The following HOXA3 variants were observed in gnomAD, a reference collection of about 807,000 sequenced individuals.
HOXA3 encodes homeobox A3, also known as homeobox protein Hox-A3.
A neutral mutation model predicts 30.3 loss-of-function variants in HOXA3; 8 were observed. The ratio of observed to expected loss-of-function variants is 0.26; its 90% CI spans 0.15 to 0.48. The LOEUF is 0.48. HOXA3 is among the 20% of genes least tolerant of loss of function. The pLI, the probability that HOXA3 is intolerant of heterozygous loss-of-function variation, is 0.99. For missense variants in HOXA3, 653 were observed against 614.4 expected (o/e 1.06, Z -0.66); for synonymous variants, 323 against 273.1 (o/e 1.18, Z -1.80).
intron 1 of HOXA3, 95 bp downstream of exon 1, chr7:27,152,193 C>T: frequency 1.6e-6 from 1 of 628,580 alleles, no homozygotes; most frequent in South Asian, 1.9e-5. Flanking sequence ...GGAGTATGCC[C>T]CTCTTAAAGC....
At chr7:27,131,176 G>T (rs1251706901) in intron 2 of HOXA3, among the ~76,000 whole-genome samples, 1 of 152,232 alleles carries the variant, frequency 6.6e-6, no homozygotes, top group Non-Finnish European at 1.5e-5. Flanking sequence ...CTAGGCCTCG[G>T]GCTGTCTGGC....
Position 27,110,711 on chromosome 7 carries a change from G to GC in HOXA3, c.-72dup, listed in dbSNP as rs1315118074. 7 of 1,577,900 alleles carry GC rather than the reference G, an allele frequency of 4.4e-6. No homozygotes were observed. Among genetic ancestry groups the GC allele is most frequent in the Admixed American group, 1.7e-5 (1 of 59,284 alleles). On this transcript the variant is annotated 5_prime_UTR_variant, in exon 5 of 6. Coordinates refer to ENST00000612286, the MANE Select transcript of HOXA3 (RefSeq NM_153631.3). ...CACCCGTGAGGGCGCACATTGGCACGCCCCCGCGGTCACGTGACACTCCGC... is the reference window on the plus strand; with the variant it reads ...CACCCGTGAGGGCGCACATTGGCACGCCCCCCGCGGTCACGTGACACTCCGC...
chr7:27,108,231 G>C lies in HOXA3; in HGVS notation c.1016C>G (p.Thr339Ser). The C allele has an allele frequency of 3.3e-6, 5 of 1,522,146 alleles. No homozygotes were observed. Among genetic ancestry groups the C allele is most frequent in the Non-Finnish European group, 4.4e-6 (5 of 1,135,186 alleles). The allele number at this position is 1,522,146 out of a possible 1,614,324, so 94.3% of individuals were successfully genotyped here. Residue 339 changes from threonine to serine, a missense_variant, in exon 6 of 6, where the codon ACC becomes AGC. By Grantham distance (58) the Thr-to-Ser change is moderately conservative (BLOSUM62 1). Around this residue, in one of 3 missense-constraint regions of HOXA3, gnomAD observed 330 missense variants for 274.4 expected, o/e 1.20. Transcript: ENST00000612286. This position sits in a 1 kb window ranked among gnomAD's most constrained non-coding sequence, Gnocchi z 5.0. ...YTAAGAGAGG[T>S]PDYDPHAHGL... is the part of the protein sequence containing the mutation. ...ATGAGCGTGCGGGTCATAGTCGGGG[G>C]TGCCCCCTGCGCCCGCCCCTGCCGC...
At chr7:27,149,992 G>A (rs1345280861) in intron 1 of HOXA3, 1 of 152,142 alleles carries the variant, frequency 6.6e-6, no homozygotes, top group Non-Finnish European at 1.5e-5. Context: ...CAGGATTCTC[G>A]ATCTAATTAT....
chr7:27,144,161 T>TGGGGG (rs1782673009), intron 1 of HOXA3, among the ~76,000 whole-genome samples: 2 of 152,232 alleles, frequency 1.3e-5, no homozygotes, highest in Admixed American at 6.5e-5. Flanking sequence ...TTGCAGCCCC[T>TGGGGG]CTTATTTTTG....
At chr7:27,132,998 C>T (rs908499399) in intron 2 of HOXA3, among the ~76,000 whole-genome samples, 3 of 152,196 alleles carry the variant, frequency 2.0e-5, no homozygotes, top group Non-Finnish European at 4.4e-5. Context: ...GAGACATAAA[C>T]ACTGTTTTGT....
At chr7:27,129,192 A>C in intron 2 of HOXA3, 1 of 1,211,990 alleles carries the variant, frequency 8.3e-7, no homozygotes, top group Non-Finnish European at 1.2e-6. Flanking sequence ...AAAAGCAGGT[A>C]AGGGATAGAA....
intron 1 of HOXA3, chr7:27,142,065 C>T (rs759617437): frequency 6.2e-7 from 1 of 1,613,928 alleles, no homozygotes; most frequent in South Asian, 1.1e-5. Context: ...GCCCTTTTGC[C>T]TTCCGGGCCG....
rs1784069108 is a variant in HOXA3, at chr7:27,107,421, AC to A, written c.*493del. 1.3e-5 allele frequency: 2 copies of A among 152,360 alleles called. No individual in the cohort carries two copies. The highest frequency in any genetic ancestry group is 2.4e-5 in the African/African-American group (1 of 41,456). 9.4% of individuals were successfully genotyped at this position (152,360 alleles called of 1,614,324 possible). On this transcript the variant is annotated 3_prime_UTR_variant, in exon 6 of 6. Transcript: ENST00000612286. ...TTCACCAGCATACACACACGGAAAG[AC>A]GTACACTTAGTCATCCTTGCACAGA...
At chr7:27,124,477 G>C (rs1225142699) in intron 3 of HOXA3, 1 of 152,234 alleles carries the variant, frequency 6.6e-6, no homozygotes, top group Non-Finnish European at 1.5e-5. Context: ...CAGAAACCCT[G>C]CGGAAAAGGC....
chr7:27,118,704 C>A (rs1784858742), intron 4 of HOXA3, among the ~76,000 whole-genome samples: 1 of 152,230 alleles, frequency 6.6e-6, no homozygotes, highest in South Asian at 2.1e-4. Flanking sequence ...AGCCTCCCAC[C>A]CACGGACAAG....
intron 1 of HOXA3, among the ~76,000 whole-genome samples, chr7:27,148,020 C>T (rs1382672648): frequency 2.0e-5 from 3 of 152,276 alleles, no homozygotes; most frequent in Admixed American, 2.0e-4. Flanking sequence ...GCACAGCTAG[C>T]CGGCCCGGCT....
intron 2 of HOXA3, among the ~76,000 whole-genome samples, chr7:27,139,507 G>T (rs534686864): frequency 1.3e-5 from 2 of 152,336 alleles, no homozygotes; most frequent in African/African-American, 4.8e-5. Context: ...GAAGGCCGCC[G>T]CCTCAATTCA....
intron 1 of HOXA3, among the ~76,000 whole-genome samples, chr7:27,148,933 G>GC (rs763750477): frequency 2.8e-4 from 43 of 152,366 alleles, no homozygotes; most frequent in Non-Finnish European, 5.9e-4. Flanking sequence ...TTTCCGGGGC[G>GC]CCCGACAACC....
At chr7:27,146,910 G>C (rs779344317) in intron 1 of HOXA3, among the ~76,000 whole-genome samples, 1 of 152,204 alleles carries the variant, frequency 6.6e-6, no homozygotes, top group Non-Finnish European at 1.5e-5. Context: ...GAGGGGGTTG[G>C]GAAGCAAAGG....
rs1784068216 is a variant in HOXA3 at position 27,107,416 on chromosome 7, G to A, written c.*499C>T. On this transcript the variant is annotated 3_prime_UTR_variant, in exon 6 of 6. Transcript: ENST00000612286. ...GACTGTTCACCAGCATACACACACGGAAAGACGTACACTTAGTCATCCTTG... is the reference window on the plus strand; with the variant it reads ...GACTGTTCACCAGCATACACACACGAAAAGACGTACACTTAGTCATCCTTG... 2 of 152,176 alleles carry A rather than the reference G, an allele frequency of 1.3e-5. No homozygotes were observed. 9.4% of individuals were successfully genotyped at this position (152,176 alleles called of 1,614,324 possible).
At position 27,107,797 on chromosome 7, in the gene HOXA3, A is replaced by G. The variant is rs534471475; in HGVS notation, c.*118T>C. Reference sequence around the variant, plus strand: ...GGAAACGGAGTGCGGGGCGGAGAAGAGAGAAAAGGAAGGAAGGAAAGGGCA... The same window carrying G: ...GGAAACGGAGTGCGGGGCGGAGAAGGGAGAAAAGGAAGGAAGGAAAGGGCA... On this transcript the variant is annotated 3_prime_UTR_variant, in exon 6 of 6. Coordinates refer to ENST00000612286, the MANE Select transcript of HOXA3 (RefSeq NM_153631.3). The G allele has an allele frequency of 8.6e-6, 6 of 695,438 alleles. No individual in the cohort carries two copies. The East Asian group carries it at 1.7e-4, about 19-fold the overall frequency. The allele number at this position is 695,438 out of a possible 1,614,324, so 43.1% of individuals were successfully genotyped here.
At chr7:27,130,908 C>T in intron 2 of HOXA3, 7 of 664,068 alleles carry the variant, frequency 1.1e-5, no homozygotes, top group Non-Finnish European at 1.9e-5. Flanking sequence ...CACCAAAGTT[C>T]GAGCCGCTCC....
chr7:27,130,844 C>G lies in HOXA3; in HGVS notation c.-389-3774G>C, dbSNP rs1225393497. ...TTCCCATCCCCCTTTCCTCTGCGCCCTTCCCCTCCCCCCGCTGTCAAGTGC... is the reference window on the plus strand; with the variant it reads ...TTCCCATCCCCCTTTCCTCTGCGCCGTTCCCCTCCCCCCGCTGTCAAGTGC... On this transcript the variant is annotated intron_variant, in intron 2 of 5. Coordinates refer to ENST00000612286, the MANE Select transcript of HOXA3 (RefSeq NM_153631.3). 13 of 1,097,510 alleles carry G rather than the reference C, an allele frequency of 1.2e-5. No individual in the cohort carries two copies. The African/African-American group carries it at 1.6e-4, about 14-fold the overall frequency. The allele number at this position is 1,097,510 out of a possible 1,614,324, so 68.0% of individuals were successfully genotyped here. A position where few individuals can be genotyped will look rare whatever the true frequency, so the allele number is the denominator to read the frequency against.
Sources: gnomAD v4.1 joint callset for allele counts (sites outside exome capture counted in the v4.1 genomes callset) on GRCh38, gnomAD v4.1.1 for gene constraint, gnomAD v4.1.1 regional missense constraint, Gnocchi (gnomAD v3.1) non-coding constraint, MANE v1.5 for transcripts, NCBI Gene and HGNC (gene_info 2026-07-23, HGNC 2026-07-21) for gene names.